Variants in SLC35F2 observed in about 807,000 individuals in gnomAD.
SLC35F2 encodes solute carrier family 35 member F2, also known as queuine/queuosine transporter SLC35F2.
In SLC35F2, 25 loss-of-function variants were observed where a neutral mutation model predicts 38.1. The observed-to-expected ratio is 0.66, with a 90% confidence interval of 0.48 to 0.92. SLC35F2 has a LOEUF of 0.92. Among genes scored for constraint, SLC35F2 ranks in the 40% least tolerant of loss-of-function variants. SLC35F2 has a pLI of 0.00. For synonymous variants in SLC35F2, 173 were observed against 181.7 expected (o/e 0.95, Z 0.38); for missense variants, 409 against 452.9 (o/e 0.90, Z 0.88).
At chr11:107,822,206 C>T (rs1005175414) in intron 1 of SLC35F2, among the ~76,000 whole-genome samples, 4 of 152,018 alleles carry the variant, frequency 2.6e-5, no homozygotes, top group African/African-American at 7.2e-5. Flanking sequence ...TGCACTCCAG[C>T]GTGGGCAACA....
At chr11:107,822,595 ACT>A (rs1859690368) in intron 1 of SLC35F2, among the ~76,000 whole-genome samples, 1 of 152,034 alleles carries the variant, frequency 6.6e-6, no homozygotes, top group Non-Finnish European at 1.5e-5. Context: ...CCCACCACAC[ACT>A]GTTCTTTCCC....
chr11:107,849,257 T>C (rs895369559), intron 1 of SLC35F2, among the ~76,000 whole-genome samples: 1 of 152,044 alleles, frequency 6.6e-6, no homozygotes, highest in African/African-American at 2.4e-5. Flanking sequence ...AGCGAGATGA[T>C]TGGGGTCGGG....
chr11:107,819,139 C>A lies in SLC35F2; in HGVS notation c.111-3174G>T, dbSNP rs575504799. 4.6e-5 allele frequency among the ~76,000 whole-genome samples: 7 copies of A among 152,304 alleles called. No homozygotes were observed. In the East Asian group the frequency reaches 9.7e-4, roughly 21 times the overall value. On this transcript the variant is annotated intron_variant, in intron 1 of 7. Coordinates refer to ENST00000525815, the MANE Select transcript of SLC35F2 (RefSeq NM_017515.5). Reference sequence around the variant, plus strand: ...AGTGTCCTACAAATATAATGACTTTCTATTTCTATAGTAAAGTTTAAAGGA... The same window carrying A: ...AGTGTCCTACAAATATAATGACTTTATATTTCTATAGTAAAGTTTAAAGGA...
chr11:107,817,023 A>T (rs985196458), intron 1 of SLC35F2, among the ~76,000 whole-genome samples: 1 of 152,142 alleles, frequency 6.6e-6, no homozygotes, highest in African/African-American at 2.4e-5. Flanking sequence ...CACACCTGTA[A>T]CCCCAGTACT....
intron 1 of SLC35F2, among the ~76,000 whole-genome samples, chr11:107,825,959 G>A (rs560717220): frequency 6.6e-6 from 1 of 152,042 alleles, no homozygotes; most frequent in East Asian, 1.9e-4. Context: ...TAGCAATTTT[G>A]TCTCAAGGAA....
At chr11:107,847,182 A>C (rs56132728) in intron 1 of SLC35F2, among the ~76,000 whole-genome samples, 4,384 of 152,184 alleles carry the variant, frequency 0.029, 197 homozygotes, top group African/African-American at 0.099. Flanking sequence ...AGCTAGGATT[A>C]TAGGCCTACA....
At chr11:107,845,016 C>A (rs1860083056) in intron 1 of SLC35F2, among the ~76,000 whole-genome samples, 1 of 151,750 alleles carries the variant, frequency 6.6e-6, no homozygotes, top group South Asian at 2.1e-4. Flanking sequence ...AGTTAATTCA[C>A]CCTGAGATCC....
intron 1 of SLC35F2, chr11:107,824,010 T>C: frequency 1.0e-6 from 1 of 984,686 alleles, no homozygotes; most frequent in Non-Finnish European, 1.2e-6. Context: ...CAAGATGAAC[T>C]GTTTTCTTTC....
intron 7 of SLC35F2, among the ~76,000 whole-genome samples, chr11:107,798,243 AC>A (rs1345276215): frequency 2.0e-5 from 3 of 152,064 alleles, no homozygotes. Flanking sequence ...AACTAAAGTG[AC>A]CCACTCACCT....
At chr11:107,814,192 G>C (rs1008142133) in intron 2 of SLC35F2, among the ~76,000 whole-genome samples, 1 of 152,098 alleles carries the variant, frequency 6.6e-6, no homozygotes, top group Non-Finnish European at 1.5e-5. Flanking sequence ...AAAAAATAAT[G>C]AAGCTGGACA....
chr11:107,858,606 C>T (rs532439463), intron 1 of SLC35F2, 52 bp downstream of exon 1: 123 of 1,246,118 alleles, frequency 9.9e-5, no homozygotes, highest in Admixed American at 2.9e-4. Context: ...CGCGCAGGGC[C>T]CGCAGCCGCC....
At chr11:107,812,269 A>G (rs1441191073) in intron 2 of SLC35F2, among the ~76,000 whole-genome samples, 2 of 152,162 alleles carry the variant, frequency 1.3e-5, no homozygotes, top group African/African-American at 4.8e-5. Flanking sequence ...CTCCTGCAAC[A>G]GCTCACCAGA....
chr11:107,851,256 C>T (rs1348432898), intron 1 of SLC35F2, among the ~76,000 whole-genome samples: 2 of 146,844 alleles, frequency 1.4e-5, no homozygotes, highest in Non-Finnish European at 3.0e-5. Flanking sequence ...GAGTGAGATG[C>T]TGTCTCAAAA....
At chr11:107,801,775 C>T (rs910590936) in intron 7 of SLC35F2, among the ~76,000 whole-genome samples, 3 of 152,088 alleles carry the variant, frequency 2.0e-5, no homozygotes, top group Admixed American at 6.5e-5. Flanking sequence ...GCTTGAGACT[C>T]TTATCTTAAT....
At position 107,792,026 on chromosome 11, in the gene SLC35F2, C is replaced by A. The variant is rs1188477238; in HGVS notation, c.*589G>T. ...GAAGGTTCCTAGGTTTACTGCACTC[C>A]AGTTTAATGCTTGTATAGTACTCAC... On this transcript the variant is annotated 3_prime_UTR_variant, in exon 8 of 8. Transcript: ENST00000525815. 1 of 152,080 alleles carries A rather than the reference C, an allele frequency of 6.6e-6. No homozygotes were observed. The highest frequency in any genetic ancestry group is 2.4e-5 in the African/African-American group (1 of 41,374). 9.4% of individuals were successfully genotyped at this position (152,080 alleles called of 1,614,324 possible).
At chr11:107,818,918 A>C (rs1231632229) in intron 1 of SLC35F2, among the ~76,000 whole-genome samples, 2 of 152,110 alleles carry the variant, frequency 1.3e-5, no homozygotes, top group Non-Finnish European at 2.9e-5. Flanking sequence ...AGGAAGGAGG[A>C]TTGCTTGAGC....
chr11:107,791,102 GGTT>G lies in SLC35F2; in HGVS notation c.*1510_*1512del, dbSNP rs779404739. On this transcript the variant is annotated 3_prime_UTR_variant, in exon 8 of 8. Transcript: ENST00000525815. ...AGTTTTCTGAAAGTGGCATTTTGTT[GGTT>G]GTTATTATACTGATGACACATATTA... 5.2e-5 allele frequency: 8 copies of G among 152,510 alleles called. No homozygotes were observed. Among genetic ancestry groups the G allele is most frequent in the South Asian group, 2.1e-4 (1 of 4,816 alleles). 9.4% of individuals were successfully genotyped at this position (152,510 alleles called of 1,614,324 possible).
At chr11:107,839,071 T>TC (rs1289401287) in intron 1 of SLC35F2, among the ~76,000 whole-genome samples, 2 of 152,214 alleles carry the variant, frequency 1.3e-5, no homozygotes, top group Non-Finnish European at 2.9e-5. Flanking sequence ...TCTACATTTT[T>TC]CCCGTTCCAT....
rs139487495 is a variant in SLC35F2, at chr11:107,804,574, T to C, written c.784+144A>G. On this transcript the variant is annotated intron_variant, in intron 6 of 7. Transcript: ENST00000525815. Reference sequence around the variant, plus strand: ...CTACCAATTTTCAGAGAAAACTCAATGTAAACCACTATAGTTGATATGTAT... The same window carrying C: ...CTACCAATTTTCAGAGAAAACTCAACGTAAACCACTATAGTTGATATGTAT... 2.7e-4 allele frequency: 153 copies of C among 571,574 alleles called. 1 individual carries two copies. In the East Asian group the frequency reaches 4.8e-3, roughly 18 times the overall value. The allele number at this position is 571,574 out of a possible 1,614,324, so 35.4% of individuals were successfully genotyped here.
Sources: gnomAD v4.1 joint callset for allele counts (sites outside exome capture counted in the v4.1 genomes callset) on GRCh38, gnomAD v4.1.1 for gene constraint, MANE v1.5 for transcripts, NCBI Gene and HGNC (gene_info 2026-07-23, HGNC 2026-07-21) for gene names.